The following MEGF10 variants were observed in gnomAD, a reference collection of about 807,000 sequenced individuals.
MEGF10 encodes multiple EGF like domains 10.
In MEGF10, 86 loss-of-function variants were observed where a neutral mutation model predicts 147.5. The observed-to-expected ratio is 0.58, with a 90% CI of 0.49 to 0.70. The LOEUF is 0.70. Among genes scored for constraint, MEGF10 ranks in the 30% least tolerant of loss-of-function variants. The pLI is 0.00. For synonymous variants in MEGF10, 478 were observed against 525.5 expected (o/e 0.91, Z 1.24); for missense variants, 1,329 against 1,487.3 (o/e 0.89, Z 1.75).
the MEGF10 span, among the ~76,000 whole-genome samples, chr5:127,233,568 A>G: frequency 1.3e-5 from 2 of 152,342 alleles, no homozygotes; most frequent in African/African-American, 4.8e-5. Context: ...TCAATAAATC[A>G]TCCTTCATAT....
chr5:127,433,277 T>A (rs1765446556), intron 13 of MEGF10, 86 bp from the exon 14 acceptor site: 3 of 1,547,868 alleles, frequency 1.9e-6, no homozygotes, highest in Admixed American at 1.7e-5. Context: ...TTTAACACTG[T>A]GAGCTTAGTC....
the MEGF10 span, among the ~76,000 whole-genome samples, chr5:127,266,760 C>T: frequency 6.6e-5 from 10 of 152,154 alleles, no homozygotes; most frequent in Non-Finnish European, 1.5e-4. Context: ...GTGATTTTTG[C>T]ATATTAATTT....
chr5:127,397,178 A>T lies in MEGF10; in HGVS notation c.659+400A>T, dbSNP rs976679870. ...CCATGTCTTTTTGCTCTTTGTGGCA[A>T]TTAATTAGCTGGGGAAAGCTGGGTG... is the stretch of plus-strand genomic sequence containing the variant. On this transcript the variant is annotated intron_variant, in intron 6 of 24. Coordinates refer to ENST00000503335, the MANE Select transcript of MEGF10 (RefSeq NM_001256545.2). Among the ~76,000 whole-genome samples, 4 of 152,164 alleles carry T rather than the reference A, an allele frequency of 2.6e-5. No individual in the cohort carries two copies. The East Asian group carries it at 7.7e-4, about 29-fold the overall frequency.
At chr5:127,435,321 G>C (rs1283482638) in intron 15 of MEGF10, 40 bp from the exon 16 acceptor site, 13 of 1,609,882 alleles carry the variant, frequency 8.1e-6, no homozygotes, top group Non-Finnish European at 1.1e-5. Context: ...CTGCGAGAGG[G>C]GTTTTGATTG....
chr5:127,271,677 T>G, the MEGF10 span, among the ~76,000 whole-genome samples: 17 of 151,988 alleles, frequency 1.1e-4, no homozygotes, highest in Non-Finnish European at 2.4e-4. Context: ...CAAGATCTGA[T>G]GGTTATATAA....
intron 1 of MEGF10, among the ~76,000 whole-genome samples, chr5:127,303,870 G>T (rs1759888275): frequency 6.6e-6 from 1 of 152,184 alleles, no homozygotes; most frequent in African/African-American, 2.4e-5. Flanking sequence ...TTTAAGAGGG[G>T]ATAATTATGT....
chr5:127,272,556 A>G, the MEGF10 span, among the ~76,000 whole-genome samples: 1 of 152,162 alleles, frequency 6.6e-6, no homozygotes, highest in Non-Finnish European at 1.5e-5. Context: ...CTTCCTATCC[A>G]TGAGCATGGG....
At chr5:127,432,382 G>A (rs1002901439) in intron 13 of MEGF10, among the ~76,000 whole-genome samples, 2 of 152,200 alleles carry the variant, frequency 1.3e-5, no homozygotes, top group Non-Finnish European at 2.9e-5. Context: ...GACCGTCTCA[G>A]CATCGTGGTA....
chr5:127,267,777 A>T, the MEGF10 span, among the ~76,000 whole-genome samples: 3 of 152,024 alleles, frequency 2.0e-5, no homozygotes, highest in Non-Finnish European at 2.9e-5. Flanking sequence ...TATCCCCTTT[A>T]TCATTTTTTA....
At chr5:127,295,000 G>T (rs186949903) in intron 1 of MEGF10, among the ~76,000 whole-genome samples, 1 of 152,094 alleles carries the variant, frequency 6.6e-6, no homozygotes, top group East Asian at 1.9e-4. Context: ...TTGGAATGAC[G>T]TGTCAGAGCA....
intron 4 of MEGF10, 122 bp from the exon 5 acceptor site, chr5:127,369,788 A>G: frequency 1.5e-6 from 1 of 677,154 alleles, no homozygotes; most frequent in Non-Finnish European, 2.5e-6. Flanking sequence ...GGACTGAAGA[A>G]AATTATCAAG....
chr5:127,252,212 A>G, the MEGF10 span, among the ~76,000 whole-genome samples: 2 of 151,838 alleles, frequency 1.3e-5, no homozygotes, highest in Admixed American at 6.6e-5. Context: ...TTTTTTTACT[A>G]TCTATTAAGA....
At chr5:127,252,751 T>C in the MEGF10 span, among the ~76,000 whole-genome samples, 1 of 151,950 alleles carries the variant, frequency 6.6e-6, no homozygotes, top group Non-Finnish European at 1.5e-5. Context: ...AGTCCACTTA[T>C]ACACATCTTG....
At chr5:127,282,271 G>A in the MEGF10 span, among the ~76,000 whole-genome samples, 1 of 152,158 alleles carries the variant, frequency 6.6e-6, no homozygotes, top group Non-Finnish European at 1.5e-5. Flanking sequence ...CCACATGGCA[G>A]GAATTCTGAT....
the MEGF10 span, among the ~76,000 whole-genome samples, chr5:127,262,836 A>T: frequency 2.6e-5 from 4 of 152,148 alleles, no homozygotes; most frequent in Non-Finnish European, 5.9e-5. Context: ...ATCCTTAAGT[A>T]AAACTGCCTG....
At chr5:127,454,529 G>C (rs1274075542) in intron 22 of MEGF10, 37 bp from the exon 23 acceptor site, 2 of 1,588,832 alleles carry the variant, frequency 1.3e-6, no homozygotes, top group Non-Finnish European at 1.7e-6. Flanking sequence ...CTTCCTTTCA[G>C]TTCTCACTGG....
intron 4 of MEGF10, among the ~76,000 whole-genome samples, chr5:127,346,731 T>A (rs568007468): frequency 2.6e-5 from 4 of 152,078 alleles, no homozygotes; most frequent in Non-Finnish European, 5.9e-5. Flanking sequence ...TCCCATCTAT[T>A]TATCTTTGTT....
At chr5:127,385,974 A>G (rs1763414867) in intron 5 of MEGF10, among the ~76,000 whole-genome samples, 1 of 152,162 alleles carries the variant, frequency 6.6e-6, no homozygotes, top group African/African-American at 2.4e-5. Context: ...TGGGCATGGT[A>G]GCATGTTCTT....
At chr5:127,331,256 A>G (rs1761244985) in intron 1 of MEGF10, 35 bp from the exon 2 acceptor site, 3 of 1,109,504 alleles carry the variant, frequency 2.7e-6, no homozygotes, top group East Asian at 2.4e-5. Context: ...AGTCATTTCA[A>G]TGCATTTCTA....
Sources: allele counts gnomAD v4.1 joint callset (sites outside exome capture counted in the v4.1 genomes callset), GRCh38; gene constraint gnomAD v4.1.1; transcripts MANE v1.5; gene names NCBI Gene and HGNC (gene_info 2026-07-23, HGNC 2026-07-21).